TANC2: variants seen among roughly 807,000 people sequenced by gnomAD.
TANC2 encodes the protein protein TANC2.
A neutral mutation model predicts 210.5 loss-of-function variants in TANC2; 26 were observed. The observed-to-expected ratio is 0.12, with a 90% confidence interval of 0.09 to 0.17. TANC2 has a LOEUF of 0.17. TANC2 is among the 10% of genes least tolerant of loss of function. TANC2 has a pLI of 1.00. For synonymous variants in TANC2, 931 were observed against 967.1 expected (o/e 0.96, Z 0.69); for missense variants, 2,129 against 2,608.9 (o/e 0.82, Z 4.01).
At chr17:63,177,401 A>C (rs1479008188) in intron 5 of TANC2, among the ~76,000 whole-genome samples, 1 of 151,922 alleles carries the variant, frequency 6.6e-6, no homozygotes, top group African/African-American at 2.4e-5. Flanking sequence ...CTGGAATAAG[A>C]TAGCAACTAG....
intron 14 of TANC2, among the ~76,000 whole-genome samples, chr17:63,360,515 A>G (rs1221089160): frequency 2.0e-5 from 3 of 152,180 alleles, no homozygotes; most frequent in African/African-American, 7.2e-5. Context: ...CATGGTATAT[A>G]CATACATACA....
chr17:63,035,324 A>G (rs2034928289), intron 2 of TANC2, among the ~76,000 whole-genome samples: 1 of 152,252 alleles, frequency 6.6e-6, no homozygotes, highest in South Asian at 2.1e-4. Context: ...TTAATAGATT[A>G]TAGTGTATCA....
At chr17:63,070,826 G>T (rs1363581406) in intron 2 of TANC2, among the ~76,000 whole-genome samples, 1 of 152,002 alleles carries the variant, frequency 6.6e-6, no homozygotes, top group Admixed American at 6.5e-5. Flanking sequence ...CTACTATAAG[G>T]GGTATCTTTT....
At chr17:63,369,538 G>T (rs1555644502) in intron 14 of TANC2, among the ~76,000 whole-genome samples, 3 of 150,692 alleles carry the variant, frequency 2.0e-5, no homozygotes, top group Non-Finnish European at 4.4e-5. Context: ...TTGTGGAAAG[G>T]AATAATAATT....
chr17:63,108,013 G>A (rs1450997880), intron 4 of TANC2, among the ~76,000 whole-genome samples: 1 of 151,672 alleles, frequency 6.6e-6, no homozygotes, highest in East Asian at 1.9e-4. Context: ...GCAATGAAAG[G>A]GAAAGTTGAT....
At chr17:63,074,706 G>A (rs183036745) in intron 3 of TANC2, among the ~76,000 whole-genome samples, 1 of 152,094 alleles carries the variant, frequency 6.6e-6, no homozygotes, top group Non-Finnish European at 1.5e-5. Flanking sequence ...GTTCACTGCT[G>A]TATCCTTATG....
At chr17:63,105,704 A>G (rs2037798177) in intron 4 of TANC2, among the ~76,000 whole-genome samples, 1 of 151,686 alleles carries the variant, frequency 6.6e-6, no homozygotes, top group Non-Finnish European at 1.5e-5. Flanking sequence ...TTGTTTTATA[A>G]ACATCCTGGA....
intron 5 of TANC2, chr17:63,153,056 T>C (rs982501579): frequency 6.6e-6 from 1 of 152,208 alleles, no homozygotes; most frequent in African/African-American, 2.4e-5. Context: ...TATAGTGATT[T>C]GCTCATCTCT....
intron 3 of TANC2, among the ~76,000 whole-genome samples, chr17:63,076,834 G>A (rs1008515468): frequency 1.5e-4 from 23 of 152,048 alleles, no homozygotes; most frequent in African/African-American, 4.8e-4. Context: ...CTAATGTGCT[G>A]AAAGAAACTC....
At chr17:63,243,904 A>T (rs1475122767) in intron 8 of TANC2, among the ~76,000 whole-genome samples, 2 of 152,234 alleles carry the variant, frequency 1.3e-5, no homozygotes, top group African/African-American at 4.8e-5. Context: ...GTGTCCTGGG[A>T]ATTTAACCAT....
intron 5 of TANC2, among the ~76,000 whole-genome samples, chr17:63,174,424 T>C (rs2145595741): frequency 6.6e-6 from 1 of 152,328 alleles, no homozygotes; most frequent in East Asian, 1.9e-4. Context: ...TTGTTGCTCC[T>C]ACGAACATTA....
At chr17:63,220,255 A>T (rs1033386839) in intron 7 of TANC2, among the ~76,000 whole-genome samples, 1 of 151,884 alleles carries the variant, frequency 6.6e-6, no homozygotes, top group South Asian at 2.1e-4. Context: ...AGATCGTGCC[A>T]TTGCACTCCA....
At chr17:62,968,604 T>G (rs959835758) in intron 1 of TANC2, 3 of 152,230 alleles carry the variant, frequency 2.0e-5, no homozygotes, top group South Asian at 2.1e-4. Flanking sequence ...CCATATGTAC[T>G]GCCACCCCCT....
At chr17:63,220,703 CAAAAA>C (rs373846699) in intron 7 of TANC2, among the ~76,000 whole-genome samples, 43 of 91,906 alleles carry the variant, frequency 4.7e-4, no homozygotes, top group Non-Finnish European at 5.9e-4. Context: ...GAATCAGTCT[CAAAAA>C]AAAAAAAAAA....
intron 9 of TANC2, among the ~76,000 whole-genome samples, chr17:63,277,144 A>G (rs1356758063): frequency 6.6e-6 from 1 of 152,176 alleles, no homozygotes. Context: ...CACCATCTAC[A>G]TTATCTCCTA....
intron 11 of TANC2, among the ~76,000 whole-genome samples, chr17:63,319,862 A>G (rs2045439662): frequency 6.6e-6 from 1 of 152,080 alleles, no homozygotes; most frequent in Non-Finnish European, 1.5e-5. Flanking sequence ...TACCCCACCC[A>G]TCTTCTCTCC....
At position 63,420,917 on chromosome 17, in the gene TANC2, G is replaced by C. The variant is rs200437129; in HGVS notation, c.5187G>C (p.Gln1729His). 8.1e-6 allele frequency: 13 copies of C among 1,614,008 alleles called. No homozygotes were observed. Among genetic ancestry groups the C allele is most frequent in the Non-Finnish European group, 1.1e-5 (13 of 1,179,892 alleles). ...CCCATTCAATGGCCAGTAAATACCAGTCTTCACAAGGAGACATAGGAGTCA... is the reference window on the plus strand; with the variant it reads ...CCCATTCAATGGCCAGTAAATACCACTCTTCACAAGGAGACATAGGAGTCA... The change falls in exon 28 of 28, where the codon CAG (glutamine) becomes CAC (histidine). Residue 1729 changes from glutamine to histidine, a missense_variant. Gln to His is a conservative substitution (Grantham distance 24). This residue lies in a region of TANC2 where 584 missense variants were observed against 627.3 expected (regional missense o/e 0.93). Coordinates refer to ENST00000689528, the Ensembl canonical transcript of TANC2. The surrounding 1 kb of genome is among the most constrained non-coding windows in gnomAD (Gnocchi z 4.2).
chr17:63,152,809 T>C (rs1009568581), intron 5 of TANC2: 1 of 152,150 alleles, frequency 6.6e-6, no homozygotes, highest in Admixed American at 6.6e-5. Flanking sequence ...GGGGGCCTAA[T>C]CTTTCACTTC....
intron 7 of TANC2, among the ~76,000 whole-genome samples, chr17:63,230,093 G>T (rs1268248132): frequency 6.6e-6 from 1 of 152,054 alleles, no homozygotes; most frequent in Non-Finnish European, 1.5e-5. Context: ...ACCGTACCTG[G>T]CCCAGTTGTT....
Sources: allele counts gnomAD v4.1 joint callset (sites outside exome capture counted in the v4.1 genomes callset), GRCh38; gene constraint gnomAD v4.1.1; regional missense constraint gnomAD v4.1.1; non-coding constraint Gnocchi (gnomAD v3.1); transcripts MANE v1.5; gene names NCBI Gene and HGNC (gene_info 2026-07-23, HGNC 2026-07-21).